Variants in SNTB1 observed in about 807,000 individuals in gnomAD.
The protein encoded by SNTB1 is syntrophin beta 1, also known as beta-1-syntrophin.
In SNTB1, 36 loss-of-function variants were observed where a neutral mutation model predicts 48.9. The observed-to-expected ratio is 0.74, with a 90% CI of 0.56 to 0.97. The LOEUF (loss-of-function observed/expected upper bound fraction) is 0.97. Among genes scored for constraint, SNTB1 ranks in the 50% least tolerant of loss-of-function variants. The pLI is 0.00. For missense variants in SNTB1, 786 were observed against 703.4 expected, an observed-to-expected ratio of 1.12 and a Z score of -1.33; for synonymous variants, 299 against 294.6, an observed-to-expected ratio of 1.01 and a Z score of -0.15.
intron 1 of SNTB1, among the ~76,000 whole-genome samples, chr8:120,807,916 A>AT (rs1403562376): frequency 6.6e-6 from 1 of 151,894 alleles, no homozygotes; most frequent in Non-Finnish European, 1.5e-5. Flanking sequence ...TATATTTTTT[A>AT]TTTTTTTATT....
chr8:120,684,095 G>C (rs1817985772), intron 2 of SNTB1, among the ~76,000 whole-genome samples: 1 of 152,162 alleles, frequency 6.6e-6, no homozygotes, highest in Admixed American at 6.5e-5. Flanking sequence ...TTGGTGTCTG[G>C]TTAGAGCCTC....
At chr8:120,775,738 GGAAGGAAGGAAGGAAGGAAAGAAGGAAA>G (rs1233048756) in intron 1 of SNTB1, among the ~76,000 whole-genome samples, 2 of 149,292 alleles carry the variant, frequency 1.3e-5, no homozygotes, top group African/African-American at 2.5e-5. Flanking sequence ...AAGGAAGGAA[GGAAGGAAGGAAGGAAGGAAAGAAGGAAA>G]GAAGGAAGGA....
At chr8:120,716,803 A>AG (rs1204286961) in intron 1 of SNTB1, among the ~76,000 whole-genome samples, 3 of 152,196 alleles carry the variant, frequency 2.0e-5, no homozygotes, top group African/African-American at 7.2e-5. Flanking sequence ...GGGAAATAGA[A>AG]GATTTTTTTC....
chr8:120,630,314 A>C (rs939846485), intron 3 of SNTB1, among the ~76,000 whole-genome samples: 4 of 152,194 alleles, frequency 2.6e-5, no homozygotes, highest in Non-Finnish European at 5.9e-5. Flanking sequence ...TCCAAAGACC[A>C]CAGCTGGTAG....
intron 3 of SNTB1, among the ~76,000 whole-genome samples, chr8:120,617,151 G>T (rs1174899026): frequency 1.3e-5 from 2 of 152,222 alleles, no homozygotes; most frequent in African/African-American, 4.8e-5. Context: ...TGTATTTTGT[G>T]TGTGGGCCAA....
intron 1 of SNTB1, among the ~76,000 whole-genome samples, chr8:120,738,508 T>A (rs1418323317): frequency 6.7e-6 from 1 of 149,452 alleles, no homozygotes; most frequent in Non-Finnish European, 1.5e-5. Flanking sequence ...AGAGGCTCAT[T>A]GACCTTTTCT....
chr8:120,732,011 C>G (rs1345376665), intron 1 of SNTB1, among the ~76,000 whole-genome samples: 3 of 152,046 alleles, frequency 2.0e-5, no homozygotes, highest in Non-Finnish European at 4.4e-5. Context: ...CTTTGAAAGC[C>G]CTATAAGGCA....
At chr8:120,735,458 T>C (rs57785870) in intron 1 of SNTB1, among the ~76,000 whole-genome samples, 1 of 152,066 alleles carries the variant, frequency 6.6e-6, no homozygotes, top group Non-Finnish European at 1.5e-5. Flanking sequence ...TATTTGGAGA[T>C]AGACAGCCTC....
In SNTB1 at chr8:120,671,099, T is replaced by A. The variant is rs543513953; in HGVS notation, c.788+22593A>T. Among the ~76,000 whole-genome samples the A allele has an allele frequency of 5.3e-5, 8 of 152,314 alleles. No homozygotes were observed. The South Asian group carries it at 1.7e-3, about 32-fold the overall frequency. Reference sequence around the variant, plus strand: ...TAGAAAACCTGCTGAAACTGCAGATTTCCAGGCCCCTTTTTTTGGAGGTTC... The same window carrying A: ...TAGAAAACCTGCTGAAACTGCAGATATCCAGGCCCCTTTTTTTGGAGGTTC... On this transcript the variant is annotated intron_variant, in intron 2 of 6. Transcript: ENST00000517992.
intron 2 of SNTB1, among the ~76,000 whole-genome samples, chr8:120,641,684 G>T (rs760943906): frequency 6.6e-5 from 10 of 152,074 alleles, no homozygotes; most frequent in African/African-American, 2.4e-4. Flanking sequence ...CAAATTGTAG[G>T]TGTCCACCTC....
chr8:120,616,880 G>T (rs1816723215), intron 3 of SNTB1, among the ~76,000 whole-genome samples: 2 of 152,218 alleles, frequency 1.3e-5, no homozygotes, highest in African/African-American at 4.8e-5. Flanking sequence ...ACACAACATT[G>T]CTGAAGATGC....
intron 3 of SNTB1, among the ~76,000 whole-genome samples, chr8:120,591,132 G>T (rs1204522410): frequency 6.6e-6 from 1 of 152,192 alleles, no homozygotes; most frequent in African/African-American, 2.4e-5. Context: ...CAGCATCGTG[G>T]ATTCTCAGAT....
At chr8:120,737,482 A>G (rs566149155) in intron 1 of SNTB1, among the ~76,000 whole-genome samples, 269 of 152,314 alleles carry the variant, frequency 1.8e-3, no homozygotes, top group Admixed American at 3.8e-3. Flanking sequence ...GAGGAAGAAA[A>G]GTAATTTGTG....
chr8:120,580,663 C>T lies in SNTB1; in HGVS notation c.997-5438G>A, dbSNP rs986764958. ...ACAACTTTTTAATTGAAGTCTGTTT[C>T]GCCTCAGGTTGCTAGGTGTTTAGCA... On this transcript the variant is annotated intron_variant, in intron 3 of 6. Transcript: ENST00000517992. Among the ~76,000 whole-genome samples, 4 of 152,278 alleles carry T rather than the reference C, an allele frequency of 2.6e-5. No homozygotes were observed. The East Asian group carries it at 5.8e-4, about 22-fold the overall frequency.
intron 2 of SNTB1, among the ~76,000 whole-genome samples, chr8:120,689,639 A>G (rs773102722): frequency 6.6e-6 from 1 of 152,130 alleles, no homozygotes; most frequent in African/African-American, 2.4e-5. Context: ...TTCATATTTA[A>G]TGGATGCATT....
At chr8:120,688,705 AT>A (rs1031728601) in intron 2 of SNTB1, among the ~76,000 whole-genome samples, 4 of 152,218 alleles carry the variant, frequency 2.6e-5, no homozygotes, top group Non-Finnish European at 5.9e-5. Flanking sequence ...AAGTATACAA[AT>A]TATTTAAGGG....
intron 1 of SNTB1, among the ~76,000 whole-genome samples, chr8:120,745,050 A>G (rs1819103633): frequency 6.6e-6 from 1 of 151,590 alleles, no homozygotes; most frequent in South Asian, 2.1e-4. Context: ...TCTGACTTCT[A>G]TTTGGTGCAG....
At chr8:120,583,828 A>T (rs1403614772) in intron 3 of SNTB1, among the ~76,000 whole-genome samples, 2 of 152,182 alleles carry the variant, frequency 1.3e-5, no homozygotes, top group African/African-American at 4.8e-5. Context: ...ATGAACATAG[A>T]TCCAAACTTT....
At chr8:120,616,091 G>A (rs1043113685) in intron 3 of SNTB1, among the ~76,000 whole-genome samples, 22 of 152,094 alleles carry the variant, frequency 1.4e-4, no homozygotes, top group African/African-American at 5.3e-4. Flanking sequence ...AACTCTTGTA[G>A]GAGTGAAAAA....
Sources: allele counts gnomAD v4.1 joint callset (sites outside exome capture counted in the v4.1 genomes callset), GRCh38; gene constraint gnomAD v4.1.1; transcripts MANE v1.5; gene names NCBI Gene and HGNC (gene_info 2026-07-23, HGNC 2026-07-21).